The following PHF23 variants were observed in gnomAD, a reference collection of about 807,000 sequenced individuals.
PHF23 encodes the protein PHD finger protein 23.
PHF23 carries 3 observed loss-of-function variants against 36.0 expected under a neutral mutation model. The ratio of observed to expected loss-of-function variants is 0.08; its 90% confidence interval spans 0.04 to 0.22. The LOEUF (loss-of-function observed/expected upper bound fraction) is 0.22, where lower values mean the gene tolerates loss of function less well. Ranked by LOEUF, PHF23 falls within the 10% of genes least tolerant of loss-of-function variation. PHF23 has a pLI of 1.00. For synonymous variants in PHF23, 242 were observed against 192.5 expected (o/e 1.26, Z -2.13); for missense variants, 475 against 513.6 (o/e 0.92, Z 0.73).
At chr17:7,240,666 A>G (rs2071766281), upstream of PHF23, 1 of 571,250 alleles carries the variant, frequency 1.8e-6, no homozygotes, top group Non-Finnish European at 3.1e-6. Flanking sequence ...GAGAAAGGAG[A>G]GTTACAAGAT....
In PHF23 at chr17:7,236,428, CG is replaced by C; in HGVS notation, c.498del (p.Val167CysfsTer57). The stretch of plus-strand genomic sequence containing the variant: ...GAGAGGTCCCCCTGGGAAAGGGGCA[CG>C]GGGGTAAGAGCAGCAGGGGGCCGGG... ...HTSRPPAALTPVPLSQGDLSH... is the reference protein window; with the variant it reads ...HTSRPPAALTXVPLSQGDLSH... On this transcript the variant is annotated frameshift_variant, in exon 4 of 5. Transcript: ENST00000320316. LOFTEE classifies it high-confidence loss of function. The surrounding 1 kb of genome is among the most constrained non-coding windows in gnomAD (Gnocchi z 5.1). 6.2e-7 allele frequency: 1 copy of C among 1,613,504 alleles called. No individual in the cohort carries two copies. Among genetic ancestry groups the C allele is most frequent in the Non-Finnish European group, 8.5e-7 (1 of 1,179,860 alleles).
chr17:7,237,310 A>C, intron 3 of PHF23, 75 bp downstream of exon 3: 1 of 1,276,802 alleles, frequency 7.8e-7, no homozygotes. Context: ...ATAAAGCAAT[A>C]CAGTTCTGTT....
At position 7,237,615 on chromosome 17, in the gene PHF23, A is replaced by C; in HGVS notation, c.66+14T>G. 6.2e-7 allele frequency: 1 copy of C among 1,613,968 alleles called. No individual in the cohort carries two copies. Among genetic ancestry groups the C allele is most frequent in the East Asian group, 2.2e-5 (1 of 44,886 alleles). ...GGCAGGGCTACTAGGCTGCAAAGGT[A>C]AGGCAAACCTCACCTGAGTCTCTGG... On this transcript the variant is annotated intron_variant, in intron 2 of 4. Coordinates refer to ENST00000320316, the MANE Select transcript of PHF23 (RefSeq NM_024297.3).
At chr17:7,239,515 T>G, upstream of PHF23, 1 of 348,620 alleles carries the variant, frequency 2.9e-6, no homozygotes, top group South Asian at 3.2e-5. Context: ...CTCCTCCTCC[T>G]CCACCTCCTC....
chr17:7,238,649 C>T (rs1208177818), intron 1 of PHF23: 276 of 717,344 alleles, frequency 3.8e-4, no homozygotes, highest in Middle Eastern at 1.4e-3. Flanking sequence ...CCCCCCCCAC[C>T]CCGCCCCACC....
Position 7,236,482 on chromosome 17 carries a change from A to G in PHF23, c.445T>C (p.Leu149=). 1 of 1,613,930 alleles carries G rather than the reference A, an allele frequency of 6.2e-7. No homozygotes were observed. The highest frequency in any genetic ancestry group is 8.5e-7 in the Non-Finnish European group (1 of 1,179,952). The change falls in exon 4 of 5, where the codon TTG becomes CTG. Residue 149 remains leucine, a synonymous_variant. Coordinates refer to ENST00000320316, the MANE Select transcript of PHF23 (RefSeq NM_024297.3). This position sits in a 1 kb window ranked among gnomAD's most constrained non-coding sequence, Gnocchi z 5.1. ...GTATGTGTCAGGGATGTGGGGGACA[A>G]AGGAGATGCCACTTTGGGCCCATCC... ...DLDGPKVASP[L]SPTSLTHTSR...
At position 7,235,287 on chromosome 17, in the gene PHF23, A is replaced by G. The variant is rs2071633962; in HGVS notation, c.*339T>C. On this transcript the variant is annotated 3_prime_UTR_variant, in exon 5 of 5. Transcript: ENST00000320316. ...AGAAAAGATGAGGGAGGGGAGTGCT[A>G]ATATTTACACTAGAGTTTTATAGAC... The G allele has an allele frequency of 3.1e-6, 1 of 318,892 alleles. No individual in the cohort carries two copies. Among genetic ancestry groups the G allele is most frequent in the African/African-American group, 2.1e-5 (1 of 47,370 alleles). 19.8% of individuals were successfully genotyped at this position (318,892 alleles called of 1,614,324 possible). A position where few individuals can be genotyped will look rare whatever the true frequency, so the allele number is the denominator to read the frequency against.
At chr17:7,239,004 C>T (rs1277256728) in intron 1 of PHF23, 2 of 1,450,180 alleles carry the variant, frequency 1.4e-6, no homozygotes, top group African/African-American at 2.8e-5. Flanking sequence ...CCCGAGGCTC[C>T]GGGTTTCAAG....
upstream of PHF23, chr17:7,240,712 G>C (rs894438607): frequency 3.1e-6 from 2 of 652,488 alleles, no homozygotes; most frequent in African/African-American, 1.8e-5. Flanking sequence ...AGAGAGGCTG[G>C]AGAGAAAGCC....
Position 7,235,846 on chromosome 17 carries a change from G to A in PHF23, c.998-6C>T. The A allele has an allele frequency of 2.5e-6, 4 of 1,612,820 alleles. No individual in the cohort carries two copies. The highest frequency in any genetic ancestry group is 3.4e-6 in the Non-Finnish European group (4 of 1,179,626). On this transcript the variant is annotated splice_polypyrimidine_tract_variant and splice_region_variant and intron_variant, in intron 4 of 4. Coordinates refer to ENST00000320316, the MANE Select transcript of PHF23 (RefSeq NM_024297.3). ...CAGATCCCATGAGTCATCACCTGGG[G>A]AAAAAAAGGTTTGTTTGGTATTCTG...
intron 1 of PHF23, chr17:7,238,654 C>G: frequency 7.7e-6 from 6 of 775,384 alleles, no homozygotes; most frequent in Non-Finnish European, 8.9e-6. Flanking sequence ...CCCACCCCGC[C>G]CCACCACCCC....
rs1402413641 is a variant in PHF23, at chr17:7,236,202, G to C, written c.725C>G (p.Pro242Arg). 1.2e-6 allele frequency: 2 copies of C among 1,612,812 alleles called. No individual in the cohort carries two copies. Among genetic ancestry groups the C allele is most frequent in the Admixed American group, 3.3e-5 (2 of 59,872 alleles). Reference protein sequence around the residue: ...LPPPGPPQAPPSDTDSEEEEE... With the variant: ...LPPPGPPQAPRSDTDSEEEEE... ...CTCCTCTTCAGAGTCTGTATCACTG[G>C]GGGGTGCCTGGGGAGGCCCAGGAGG... Residue 242 changes from proline (P) to arginine (R), a missense_variant, in exon 4 of 5, where the codon CCC becomes CGC. Physicochemically the swap from Pro to Arg is moderately radical, Grantham distance 103. Coordinates refer to ENST00000320316, the MANE Select transcript of PHF23 (RefSeq NM_024297.3). The surrounding 1 kb of genome is among the most constrained non-coding windows in gnomAD (Gnocchi z 5.1).
chr17:7,237,350 C>A (rs368209186), intron 3 of PHF23, 35 bp downstream of exon 3: 2 of 1,547,062 alleles, frequency 1.3e-6, no homozygotes. Context: ...AGTCCCACCA[C>A]ACCAGCCTCA....
chr17:7,237,285 TA>T, intron 3 of PHF23, 99 bp downstream of exon 3: 1 of 1,070,658 alleles, frequency 9.3e-7, no homozygotes, highest in Non-Finnish European at 1.4e-6. Flanking sequence ...ATATAATTTC[TA>T]AGGGCCTCCT....
At chr17:7,238,447 G>T in intron 1 of PHF23, 1 of 32,624 alleles carries the variant, frequency 3.1e-5, no homozygotes, top group Non-Finnish European at 4.4e-5. Flanking sequence ...CTCCGCCCCC[G>T]TACTCACCAC....
chr17:7,235,571 G>A lies in PHF23; in HGVS notation c.*55C>T, dbSNP rs1795158528. 6.4e-7 allele frequency: 1 copy of A among 1,570,744 alleles called. No individual in the cohort carries two copies. The highest frequency in any genetic ancestry group is 1.7e-5 in the Admixed American group (1 of 59,742). On this transcript the variant is annotated 3_prime_UTR_variant, in exon 5 of 5. Transcript: ENST00000320316. ...CAGGGGATAGGCTGAGGACCCTGAG[G>A]CTCAGTTCCCAAATCATGTTGTCAT...
At position 7,239,337 on chromosome 17, in the gene PHF23, G is replaced by A. The variant is rs947185925; in HGVS notation, c.-58C>T. 1.5e-5 allele frequency: 13 copies of A among 865,706 alleles called. No homozygotes were observed. The South Asian group carries it at 1.9e-4, about 12-fold the overall frequency. 53.6% of individuals were successfully genotyped at this position (865,706 alleles called of 1,614,324 possible). A position where few individuals can be genotyped will look rare whatever the true frequency, so the allele number is the denominator to read the frequency against. Reference sequence around the variant, plus strand: ...CCTCCCCGGAGCCGGGGATCCCGGTGCCGCCTCTAGTGCTCGATGCTCCCA... The same window carrying A: ...CCTCCCCGGAGCCGGGGATCCCGGTACCGCCTCTAGTGCTCGATGCTCCCA... On this transcript the variant is annotated 5_prime_UTR_variant, in exon 1 of 5. Coordinates refer to ENST00000320316, the MANE Select transcript of PHF23 (RefSeq NM_024297.3).
rs1310582511 is a variant in PHF23 at position 7,235,529 on chromosome 17, A to C, written c.*97T>G. The stretch of plus-strand genomic sequence containing the variant: ...CTTGAGAATTCCTGCCTTGAAGTGC[A>C]GACAGTATCCAAGCTCCAGGGGATA... On this transcript the variant is annotated 3_prime_UTR_variant, in exon 5 of 5. Coordinates refer to ENST00000320316, the MANE Select transcript of PHF23 (RefSeq NM_024297.3). 3 of 1,255,188 alleles carry C rather than the reference A, an allele frequency of 2.4e-6. No homozygotes were observed. Among genetic ancestry groups the C allele is most frequent in the Non-Finnish European group, 3.4e-6 (3 of 879,600 alleles). 77.8% of individuals were successfully genotyped at this position (1,255,188 alleles called of 1,614,324 possible). A position where few individuals can be genotyped will look rare whatever the true frequency, so the allele number is the denominator to read the frequency against.
rs1326656197 is a variant in PHF23 at position 7,236,306 on chromosome 17, C to T, written c.621G>A (p.Gly207=). Residue 207 remains glycine, a synonymous_variant, in exon 4 of 5, where the codon GGG becomes GGA. Coordinates refer to ENST00000320316, the MANE Select transcript of PHF23 (RefSeq NM_024297.3). This position sits in a 1 kb window ranked among gnomAD's most constrained non-coding sequence, Gnocchi z 5.1. The part of the protein sequence containing the change: ...GVLRRPRPTP[G]DGEKRSRIKK... ...TGATTCGAGATCTCTTTTCCCCATC[C>T]CCAGGAGTTGGCCGAGGCCTCCGAA... 3 of 1,614,092 alleles carry T rather than the reference C, an allele frequency of 1.9e-6. No homozygotes were observed. In the East Asian group the frequency reaches 6.7e-5, roughly 36 times the overall value.
Sources: allele counts gnomAD v4.1 joint callset, GRCh38; gene constraint gnomAD v4.1.1; non-coding constraint Gnocchi (gnomAD v3.1); transcripts MANE v1.5; gene names NCBI Gene and HGNC (gene_info 2026-07-23, HGNC 2026-07-21).